DPEP1: variants seen among roughly 807,000 people sequenced by gnomAD.
DPEP1 encodes the protein beta-lactamase.
In DPEP1, 50 loss-of-function variants were observed where a neutral mutation model predicts 42.3. The ratio of observed to expected loss-of-function variants is 1.18; its 90% CI spans 0.94 to 1.50. DPEP1 has a LOEUF of 1.50. DPEP1 is among the 40% of genes most tolerant of loss of function. The pLI, the probability that DPEP1 is intolerant of heterozygous loss-of-function variation, is 0.00. For synonymous variants in DPEP1, 297 were observed against 234.0 expected, an observed-to-expected ratio of 1.27 and a Z score of -2.46; for missense variants, 663 against 553.0, an observed-to-expected ratio of 1.20 and a Z score of -1.99.
chr16:89,633,802 G>A (rs879276629), intron 2 of DPEP1, among the ~76,000 whole-genome samples: 6 of 110,974 alleles, frequency 5.4e-5, no homozygotes, highest in Non-Finnish European at 1.2e-4. Context: ...ACAGGGATGG[G>A]TCTGGAAACT....
intron 1 of DPEP1, among the ~76,000 whole-genome samples, chr16:89,618,687 G>A (rs765079352): frequency 6.6e-6 from 1 of 152,050 alleles, no homozygotes; most frequent in African/African-American, 2.4e-5. Flanking sequence ...CTGTAGAGAC[G>A]AGGTCTCCTT....
chr16:89,636,743 C>T, intron 5 of DPEP1, 60 bp downstream of exon 5: 2 of 1,603,542 alleles, frequency 1.2e-6, no homozygotes, highest in Non-Finnish European at 8.5e-7. Context: ...GGCAGACACT[C>T]CCTGCCACCC....
intron 2 of DPEP1, 64 bp downstream of exon 2, chr16:89,630,578 G>A: frequency 3.0e-6 from 1 of 328,870 alleles, no homozygotes. Context: ...TGGGAGAGCG[G>A]GGCTGGGGGA....
downstream of DPEP1, among the ~76,000 whole-genome samples, chr16:89,638,911 A>C (rs2059720422): frequency 1.6e-5 from 1 of 60,758 alleles, no homozygotes. Flanking sequence ...GCACACACAC[A>C]CACACCGCAC....
intron 1 of DPEP1, among the ~76,000 whole-genome samples, chr16:89,620,287 G>C (rs895644981): frequency 5.9e-5 from 9 of 152,060 alleles, no homozygotes; most frequent in African/African-American, 1.4e-4. Flanking sequence ...CTGCCAGTGG[G>C]GGGGACACAC....
chr16:89,625,601 G>T (rs951418814), intron 1 of DPEP1, among the ~76,000 whole-genome samples: 3 of 152,196 alleles, frequency 2.0e-5, no homozygotes, highest in African/African-American at 7.2e-5. Context: ...GGGAGGCTCT[G>T]GGGGCAGGGA....
chr16:89,623,520 G>A (rs569471284), intron 1 of DPEP1, among the ~76,000 whole-genome samples: 3 of 152,304 alleles, frequency 2.0e-5, no homozygotes, highest in East Asian at 1.9e-4. Flanking sequence ...TGGGAGACGC[G>A]TCTGCATTCC....
At chr16:89,638,739 C>T (rs1233307039), downstream of DPEP1, among the ~76,000 whole-genome samples, 1 of 129,944 alleles carries the variant, frequency 7.7e-6, no homozygotes, top group Non-Finnish European at 1.6e-5. Flanking sequence ...ACACCGCACC[C>T]CTGCACACAC....
intron 2 of DPEP1, among the ~76,000 whole-genome samples, chr16:89,630,878 C>T (rs977516528): frequency 4.6e-5 from 7 of 151,862 alleles, no homozygotes; most frequent in Non-Finnish European, 7.4e-5. Context: ...TCAGCTTCTG[C>T]GACGGTGCCG....
chr16:89,625,645 A>C (rs112859477), intron 1 of DPEP1, among the ~76,000 whole-genome samples: 1,605 of 152,264 alleles, frequency 0.011, 32 homozygotes, highest in African/African-American at 0.036. Flanking sequence ...TGGAAGATGG[A>C]AGATAAGGGC....
At position 89,636,687 on chromosome 16, in the gene DPEP1, C is replaced by T. The variant is rs765614629; in HGVS notation, c.521+4C>T. 1.2e-5 allele frequency: 20 copies of T among 1,612,050 alleles called. No individual in the cohort carries two copies. The highest frequency in any genetic ancestry group is 1.7e-4 in the Middle Eastern group (1 of 6,054). On this transcript the variant is annotated splice_donor_region_variant and intron_variant, in intron 5 of 10. Coordinates refer to ENST00000690203, the MANE Select transcript of DPEP1 (RefSeq NM_001389466.1). The stretch of plus-strand genomic sequence containing the variant: ...CCCACAGCTGCAACACGCCCTGGTG[C>T]GTGACTCCCCATGGGAGGCCCCCGG...
intron 1 of DPEP1, among the ~76,000 whole-genome samples, chr16:89,628,252 C>CTTTTTTTT (rs60909664): frequency 2.0e-4 from 15 of 75,492 alleles, no homozygotes; most frequent in South Asian, 4.6e-4. Context: ...TCTTTCTTTT[C>CTTTTTTTT]TTTCTTTTTT....
intron 1 of DPEP1, among the ~76,000 whole-genome samples, chr16:89,626,091 TGAGGCCCTGA>T (rs374348315): frequency 3.3e-4 from 51 of 152,294 alleles, no homozygotes; most frequent in African/African-American, 1.2e-3. Context: ...CCCGCCACTG[TGAGGCCCTGA>T]GAGGCCCTGA....
At chr16:89,628,729 G>T (rs533992798) in intron 1 of DPEP1, among the ~76,000 whole-genome samples, 1 of 152,206 alleles carries the variant, frequency 6.6e-6, no homozygotes, top group East Asian at 1.9e-4. Context: ...GTCCAGGGCT[G>T]TGTAGATAGT....
downstream of DPEP1, chr16:89,640,527 A>AGAAGGGACGCGTCCT: frequency 1.0e-6 from 1 of 977,024 alleles, no homozygotes; most frequent in Non-Finnish European, 1.2e-6. Flanking sequence ...TGAAGCCTCC[A>AGAAGGGACGCGTCCT]GAAGGGACGC....
rs755818608 is a variant in DPEP1, at chr16:89,638,346, G to A, written c.*124G>A. The A allele has an allele frequency of 1.3e-5, 18 of 1,429,116 alleles. 1 individual carries two copies. The East Asian group carries it at 1.5e-4, about 12-fold the overall frequency. The allele number at this position is 1,429,116 out of a possible 1,614,324, so 88.5% of individuals were successfully genotyped here. On this transcript the variant is annotated 3_prime_UTR_variant, in exon 11 of 11. Coordinates refer to ENST00000690203, the MANE Select transcript of DPEP1 (RefSeq NM_001389466.1). ...AAGGACCAGCATCTCCTGAGAGGACGCCTGGGCTTACCTGGGGGGCAGGAT... is the reference window on the plus strand; with the variant it reads ...AAGGACCAGCATCTCCTGAGAGGACACCTGGGCTTACCTGGGGGGCAGGAT...
At chr16:89,623,180 C>G (rs763523637) in intron 1 of DPEP1, among the ~76,000 whole-genome samples, 1 of 151,984 alleles carries the variant, frequency 6.6e-6, no homozygotes, top group African/African-American at 2.4e-5. Context: ...GTGGCAGTTG[C>G]TTTAAAAGGA....
rs201593021 is a variant in DPEP1, at chr16:89,619,000, TGCCCCCCCC to T, written c.-107+5284_-107+5292del. Reference sequence around the variant, plus strand: ...CCCCGCTCCCCTCCCTGCAGCCCCCTGCCCCCCCCGCTCCCCTCCCTGCAGCTCCCTGCC... The same window carrying T: ...CCCCGCTCCCCTCCCTGCAGCCCCCTGCTCCCCTCCCTGCAGCTCCCTGCC... On this transcript the variant is annotated intron_variant, in intron 1 of 10. Transcript: ENST00000690203. Among the ~76,000 whole-genome samples the T allele has an allele frequency of 2.1e-4, 2 of 9,600 alleles. 1 individual carries two copies. The highest frequency in any genetic ancestry group is 3.4e-4 in the Non-Finnish European group (2 of 5,836). The allele number at this position is 9,600 out of a possible 152,430, so 6.3% of individuals were successfully genotyped here.
At chr16:89,630,967 C>T (rs985552116) in intron 2 of DPEP1, among the ~76,000 whole-genome samples, 12 of 152,142 alleles carry the variant, frequency 7.9e-5, no homozygotes, top group African/African-American at 2.9e-4. Flanking sequence ...TGAAGGTCTG[C>T]AGGGACTGGG....
Sources: gnomAD v4.1 joint callset for allele counts (sites outside exome capture counted in the v4.1 genomes callset) on GRCh38, gnomAD v4.1.1 for gene constraint, MANE v1.5 for transcripts, NCBI Gene and HGNC (gene_info 2026-07-23, HGNC 2026-07-21) for gene names.